Variants in FAM107B observed in about 807,000 individuals in gnomAD.
FAM107B encodes the protein family with sequence similarity 107 member B, also known as protein FAM107B.
In FAM107B, 21 loss-of-function variants were observed where a neutral mutation model predicts 31.5. The observed-to-expected ratio is 0.67, with a 90% CI of 0.47 to 0.96. The LOEUF is 0.96. Among genes scored for constraint, FAM107B ranks in the 40% least tolerant of loss-of-function variants. FAM107B has a pLI of 0.00. For missense variants in FAM107B, 452 were observed against 377.1 expected (o/e 1.20, Z -1.64); for synonymous variants, 157 against 141.5 (o/e 1.11, Z -0.78).
At chr10:14,537,900 G>T (rs972122431) in intron 2 of FAM107B, among the ~76,000 whole-genome samples, 9 of 150,066 alleles carry the variant, frequency 6.0e-5, no homozygotes, top group African/African-American at 2.0e-4. Flanking sequence ...GCCTTCAATA[G>T]ACATCACCTG....
At position 14,568,134 on chromosome 10, in the gene FAM107B, TACG is replaced by T. The variant is rs557912025; in HGVS notation, c.470-37622_470-37620del. ...CTAGCACTGAGGGTAGAGGACAGAATACGACTGAGACAAGGCTCAAAGCAGCAG... is the reference window on the plus strand; with the variant it reads ...CTAGCACTGAGGGTAGAGGACAGAATACTGAGACAAGGCTCAAAGCAGCAG... On this transcript the variant is annotated intron_variant, in intron 2 of 4. Coordinates refer to ENST00000181796, the MANE Select transcript of FAM107B (RefSeq NM_031453.4). Among the ~76,000 whole-genome samples, 96 of 152,294 alleles carry T rather than the reference TACG, an allele frequency of 6.3e-4. 2 individuals carry two copies. The South Asian group carries it at 0.02, about 31-fold the overall frequency.
chr10:14,663,810 GGT>G (rs1210461322), intron 2 of FAM107B, among the ~76,000 whole-genome samples: 1 of 147,340 alleles, frequency 6.8e-6, no homozygotes, highest in East Asian at 2.0e-4. Context: ...TTATCACGTG[GGT>G]GGCTCCTACG....
chr10:14,649,132 GTTTA>G (rs1853837164), intron 2 of FAM107B, among the ~76,000 whole-genome samples: 1 of 152,214 alleles, frequency 6.6e-6, no homozygotes, highest in African/African-American at 2.4e-5. Context: ...ACATGCCTCA[GTTTA>G]TATTGCTCCC....
intron 1 of FAM107B, among the ~76,000 whole-genome samples, chr10:14,715,481 G>A (rs1415238081): frequency 6.6e-6 from 1 of 152,226 alleles, no homozygotes; most frequent in South Asian, 2.1e-4. Context: ...CGCAGTGGCT[G>A]TGATGGTTAA....
chr10:14,681,601 G>T (rs1313020244), intron 1 of FAM107B, among the ~76,000 whole-genome samples: 1 of 152,166 alleles, frequency 6.6e-6, no homozygotes, highest in African/African-American at 2.4e-5. Context: ...GCACCCAGAG[G>T]AATGAGGGGG....
intron 1 of FAM107B, among the ~76,000 whole-genome samples, chr10:14,751,181 G>C (rs1312976952): frequency 6.6e-6 from 1 of 152,216 alleles, no homozygotes; most frequent in African/African-American, 2.4e-5. Flanking sequence ...GGGAGCGGCG[G>C]AATCCAGACA....
rs1588669165 is a variant in FAM107B at position 14,629,399 on chromosome 10, T to TAA, written c.469+38234_469+38235insTT. Among the ~76,000 whole-genome samples, 13 of 34,906 alleles carry TAA rather than the reference T, an allele frequency of 3.7e-4. 1 individual carries two copies. The highest frequency in any genetic ancestry group is 3.1e-3 in the Admixed American group (6 of 1,954). The allele number at this position is 34,906 out of a possible 152,430, so 22.9% of individuals were successfully genotyped here. On this transcript the variant is annotated intron_variant, in intron 2 of 4. Transcript: ENST00000181796. The stretch of plus-strand genomic sequence containing the variant: ...ATATATATAATATATATAATATATA[T>TAA]TATATATTTAATATATATAATATAT...
intron 1 of FAM107B, among the ~76,000 whole-genome samples, chr10:14,769,169 G>A (rs1006730659): frequency 2.6e-5 from 4 of 152,180 alleles, no homozygotes; most frequent in Admixed American, 6.5e-5. Context: ...AGAGAAAGCC[G>A]ACTGACAAAA....
chr10:14,650,247 T>C (rs866440288), intron 2 of FAM107B, among the ~76,000 whole-genome samples: 1 of 152,148 alleles, frequency 6.6e-6, no homozygotes, highest in African/African-American at 2.4e-5. Flanking sequence ...ATAAGCTCAT[T>C]ACAGAAAATT....
intron 1 of FAM107B, among the ~76,000 whole-genome samples, chr10:14,687,464 G>A (rs1855017857): frequency 6.6e-6 from 1 of 152,118 alleles, no homozygotes; most frequent in African/African-American, 2.4e-5. Flanking sequence ...ATAGAACCCA[G>A]GCACTTGTGT....
chr10:14,714,363 A>G (rs1358754507), intron 1 of FAM107B, among the ~76,000 whole-genome samples: 1 of 151,890 alleles, frequency 6.6e-6, no homozygotes, highest in Non-Finnish European at 1.5e-5. Context: ...GTGCCTCTGC[A>G]TGGGCACAGA....
chr10:14,687,852 C>T (rs1222524220), intron 1 of FAM107B, among the ~76,000 whole-genome samples: 1 of 152,152 alleles, frequency 6.6e-6, no homozygotes, highest in Non-Finnish European at 1.5e-5. Context: ...CACATACGTG[C>T]ACACACACAA....
At chr10:14,613,929 G>A (rs953829416) in intron 2 of FAM107B, among the ~76,000 whole-genome samples, 3 of 151,970 alleles carry the variant, frequency 2.0e-5, no homozygotes, top group Non-Finnish European at 4.4e-5. Flanking sequence ...TCAGCAGTTC[G>A]AGACCAGCCT....
At chr10:14,561,675 T>A (rs547013403) in intron 2 of FAM107B, among the ~76,000 whole-genome samples, 2 of 152,276 alleles carry the variant, frequency 1.3e-5, no homozygotes, top group Admixed American at 1.3e-4. Flanking sequence ...CTTATTTAGA[T>A]CTGTAAACCT....
At chr10:14,560,368 G>A (rs933782787) in intron 2 of FAM107B, among the ~76,000 whole-genome samples, 4 of 152,092 alleles carry the variant, frequency 2.6e-5, no homozygotes, top group African/African-American at 7.2e-5. Flanking sequence ...GTCACATATC[G>A]CATGCTAATT....
chr10:14,658,634 G>T (rs964533922), intron 2 of FAM107B, among the ~76,000 whole-genome samples: 1 of 152,200 alleles, frequency 6.6e-6, no homozygotes, highest in Non-Finnish European at 1.5e-5. Flanking sequence ...AAGAGAAAAA[G>T]ACGCAATTCC....
chr10:14,576,745 A>G (rs1851478558), intron 2 of FAM107B, among the ~76,000 whole-genome samples: 1 of 152,236 alleles, frequency 6.6e-6, no homozygotes, highest in Non-Finnish European at 1.5e-5. Context: ...AACAGGAATA[A>G]GGCTACTTAC....
At chr10:14,574,835 A>C (rs1851414458) in intron 2 of FAM107B, among the ~76,000 whole-genome samples, 2 of 152,184 alleles carry the variant, frequency 1.3e-5, no homozygotes, top group Non-Finnish European at 1.5e-5. Context: ...AGATGGTGAA[A>C]TCTCTTCGTA....
intron 2 of FAM107B, among the ~76,000 whole-genome samples, chr10:14,630,546 C>T (rs1564607511): frequency 6.6e-6 from 1 of 151,388 alleles, no homozygotes; most frequent in South Asian, 2.1e-4. Context: ...AAAAAAATCA[C>T]ATTGGGCTGG....
Sources: allele counts gnomAD v4.1 joint callset (sites outside exome capture counted in the v4.1 genomes callset), GRCh38; gene constraint gnomAD v4.1.1; transcripts MANE v1.5; gene names NCBI Gene and HGNC (gene_info 2026-07-23, HGNC 2026-07-21).